Variants in LARGE1 observed in about 807,000 individuals in gnomAD.
LARGE1 encodes xylosyl- and glucuronyltransferase LARGE1.
In LARGE1, 43 loss-of-function variants were observed where a neutral mutation model predicts 87.6. The ratio of observed to expected loss-of-function variants is 0.49; its 90% confidence interval spans 0.38 to 0.63. The LOEUF is 0.63. Ranked by LOEUF, LARGE1 falls within the 30% of genes least tolerant of loss-of-function variation. The probability of loss-of-function intolerance (pLI) is 0.00; values close to 1 mark genes in which losing one functional copy is unlikely to be tolerated. For synonymous variants in LARGE1, 434 were observed against 394.6 expected (o/e 1.10, Z -1.18); for missense variants, 802 against 1,000.2 (o/e 0.80, Z 2.67).
chr22:33,676,905 T>G (rs2081599393), intron 2 of LARGE1, among the ~76,000 whole-genome samples: 1 of 152,142 alleles, frequency 6.6e-6, no homozygotes, highest in African/African-American at 2.4e-5. Flanking sequence ...GAAGAAGACC[T>G]CTCAGATTCT....
At chr22:33,809,678 T>C (rs538534914) in intron 1 of LARGE1, among the ~76,000 whole-genome samples, 1 of 152,194 alleles carries the variant, frequency 6.6e-6, no homozygotes, top group Non-Finnish European at 1.5e-5. Context: ...CTAATTTAAA[T>C]AATATACCTT....
upstream of LARGE1, among the ~76,000 whole-genome samples, chr22:33,921,746 C>A (rs1231943916): frequency 2.6e-5 from 4 of 152,096 alleles, no homozygotes. The surrounding 1 kb of genome is among the most constrained non-coding windows in gnomAD (Gnocchi z 4.1). Context: ...GCATAAGAAC[C>A]CGGCGCGCAA....
intron 11 of LARGE1, among the ~76,000 whole-genome samples, chr22:33,266,798 T>C (rs1927970178): frequency 6.6e-6 from 1 of 151,492 alleles, no homozygotes; most frequent in African/African-American, 2.4e-5. Context: ...CCATGCTCCC[T>C]GTCCTTATAC....
rs1450102503 is a variant in LARGE1 at position 33,590,431 on chromosome 22, T to A, written c.615+14004A>T. ...CATTCTTCGAGAAAAAAATCTTACA[T>A]CATCACAATTCACCTCTTTTAAACG... On this transcript the variant is annotated intron_variant, in intron 5 of 14. Transcript: ENST00000397394. Among the ~76,000 whole-genome samples the A allele has an allele frequency of 4.6e-5, 7 of 152,336 alleles. No homozygotes were observed. In the East Asian group the frequency reaches 1.3e-3, roughly 29 times the overall value.
intron 11 of LARGE1, among the ~76,000 whole-genome samples, chr22:33,235,137 A>G (rs1926189303): frequency 6.6e-6 from 1 of 152,228 alleles, no homozygotes; most frequent in South Asian, 2.1e-4. Context: ...TTGAGAATCA[A>G]CTATGTGTTC....
chr22:33,500,544 T>C (rs540638659), intron 6 of LARGE1, among the ~76,000 whole-genome samples: 1 of 152,182 alleles, frequency 6.6e-6, no homozygotes, highest in Non-Finnish European at 1.5e-5. Flanking sequence ...ATTGGTCTCA[T>C]AGCTTCCTGG....
rs546007090 is a variant in LARGE1 at position 33,543,197 on chromosome 22, G to A, written c.787+21651C>T. Among the ~76,000 whole-genome samples, 12 of 138,258 alleles carry A rather than the reference G, an allele frequency of 8.7e-5. No individual in the cohort carries two copies. In the South Asian group the frequency reaches 2.9e-3, roughly 34 times the overall value. 90.7% of individuals were successfully genotyped at this position (138,258 alleles called of 152,430 possible). On this transcript the variant is annotated intron_variant, in intron 6 of 14. Coordinates refer to ENST00000397394, the MANE Select transcript of LARGE1 (RefSeq NM_133642.5). Reference sequence around the variant, plus strand: ...GCTTGAATGGTGACACAGTTAATTAGGCCAAAAAAGAAAAAAAGAAAAAAA... The same window carrying A: ...GCTTGAATGGTGACACAGTTAATTAAGCCAAAAAAGAAAAAAAGAAAAAAA...
At chr22:33,463,326 C>T (rs1030160670) in intron 6 of LARGE1, among the ~76,000 whole-genome samples, 1 of 151,322 alleles carries the variant, frequency 6.6e-6, no homozygotes, top group Non-Finnish European at 1.5e-5. Flanking sequence ...AATTTGTATT[C>T]AAAATAGACA....
At chr22:33,911,968 A>G (rs1277792865) in intron 1 of LARGE1, among the ~76,000 whole-genome samples, 1 of 152,220 alleles carries the variant, frequency 6.6e-6, no homozygotes, top group African/African-American at 2.4e-5. Flanking sequence ...AAACATGACC[A>G]TTCATTCACA....
chr22:33,606,340 G>C (rs1460691482), intron 4 of LARGE1, among the ~76,000 whole-genome samples: 1 of 151,930 alleles, frequency 6.6e-6, no homozygotes, highest in Non-Finnish European at 1.5e-5. Context: ...GGGTGGTGGA[G>C]GTTGCAGTGA....
intron 1 of LARGE1, among the ~76,000 whole-genome samples, chr22:33,820,768 C>T (rs556863980): frequency 2.0e-5 from 3 of 152,294 alleles, no homozygotes; most frequent in East Asian, 1.9e-4. Flanking sequence ...TCTCATTCAT[C>T]GTGGCACCTG....
At chr22:33,547,817 A>AG (rs2077405448) in intron 6 of LARGE1, among the ~76,000 whole-genome samples, 2 of 150,782 alleles carry the variant, frequency 1.3e-5, no homozygotes, top group Non-Finnish European at 3.0e-5. Flanking sequence ...AAAAAAAAAA[A>AG]AAAAAAGCAG....
chr22:33,718,506 T>C (rs1203333706), intron 2 of LARGE1, among the ~76,000 whole-genome samples: 1 of 152,268 alleles, frequency 6.6e-6, no homozygotes, highest in Non-Finnish European at 1.5e-5. Flanking sequence ...TCACAGAAGC[T>C]GAAGCCATGA....
In LARGE1 at chr22:33,632,949, C is replaced by T. The variant is rs555074255; in HGVS notation, c.409-6623G>A. 1.1e-4 allele frequency among the ~76,000 whole-genome samples: 17 copies of T among 152,244 alleles called. No homozygotes were observed. The East Asian group carries it at 2.9e-3, about 26-fold the overall frequency. On this transcript the variant is annotated intron_variant, in intron 3 of 14. Transcript: ENST00000397394. ...ATTTCCTGTCATCCTAGACATGGTA[C>T]CCAGCACACTTTGAATCTTGCAGGC...
At chr22:33,905,293 T>G (rs1160914302) in intron 1 of LARGE1, among the ~76,000 whole-genome samples, 1 of 152,008 alleles carries the variant, frequency 6.6e-6, no homozygotes, top group Non-Finnish European at 1.5e-5. Flanking sequence ...GGTCTCGAAC[T>G]CTTAGGCTCA....
chr22:33,732,127 G>A (rs374697694), intron 2 of LARGE1: 31 of 152,354 alleles, frequency 2.0e-4, no homozygotes, highest in East Asian at 1.5e-3. Context: ...GTTAGTGATA[G>A]TAGGCACCAT....
chr22:33,623,068 T>G (rs775180016), intron 4 of LARGE1, among the ~76,000 whole-genome samples: 5 of 151,798 alleles, frequency 3.3e-5, no homozygotes, highest in Non-Finnish European at 7.4e-5. Flanking sequence ...CCTTTAACTT[T>G]GCCATAATTG....
In LARGE1 at chr22:33,591,132, C is replaced by T. The variant is rs1039257786; in HGVS notation, c.615+13303G>A. ...AGAAGAATCGCTTGAACCCGCGAGG[C>T]GGAGGTTGCAGTGAGCCAAGATGGG... is the stretch of plus-strand genomic sequence containing the variant. On this transcript the variant is annotated intron_variant, in intron 5 of 14. Transcript: ENST00000397394. 7.6e-4 allele frequency among the ~76,000 whole-genome samples: 116 copies of T among 152,190 alleles called. 1 individual carries two copies. Among genetic ancestry groups the T allele is most frequent in the Admixed American group, 2.6e-3 (40 of 15,280 alleles).
rs575644347 is a variant in LARGE1, at chr22:33,465,575, G to T, written c.788-33310C>A. On this transcript the variant is annotated intron_variant, in intron 6 of 14. Transcript: ENST00000397394. ...ATGAGGAAACAATAGGCTTTGCAGG[G>T]CGTTCTGCAGAAAACCTCCAGGTGG... Among the ~76,000 whole-genome samples, 12 of 152,320 alleles carry T rather than the reference G, an allele frequency of 7.9e-5. No homozygotes were observed. In the South Asian group the frequency reaches 1.7e-3, roughly 21 times the overall value.
Sources: gnomAD v4.1 joint callset for allele counts (sites outside exome capture counted in the v4.1 genomes callset) on GRCh38, gnomAD v4.1.1 for gene constraint, Gnocchi (gnomAD v3.1) non-coding constraint, MANE v1.5 for transcripts, NCBI Gene and HGNC (gene_info 2026-07-23, HGNC 2026-07-21) for gene names.